HDAC8: variants seen among roughly 807,000 people sequenced by gnomAD.
HDAC8 encodes histone deacetylase-like 1.
HDAC8 carries 1 observed loss-of-function variant against 32.2 expected under a neutral mutation model. The ratio of observed to expected loss-of-function variants is 0.03; its 90% CI spans 0.01 to 0.15. The LOEUF (loss-of-function observed/expected upper bound fraction) is 0.15, where lower values mean the gene tolerates loss of function less well. Among genes scored for constraint, HDAC8 ranks in the 10% least tolerant of loss-of-function variants. HDAC8 has a pLI of 1.00. For synonymous variants in HDAC8, 108 were observed against 113.9 expected, an observed-to-expected ratio of 0.95 and a Z score of 0.33; for missense variants, 117 against 300.0, an observed-to-expected ratio of 0.39 and a Z score of 4.51.
intron 10 of HDAC8, among the ~76,000 whole-genome samples, chrX:72,350,993 T>G (rs1199868100): frequency 1.8e-5 from 2 of 112,316 alleles, no homozygotes; most frequent in Admixed American, 1.9e-4. Flanking sequence ...CCCTGACTAC[T>G]CATTGTAGTT....
intron 9 of HDAC8, among the ~76,000 whole-genome samples, chrX:72,442,978 A>G (rs1281052848): frequency 9.3e-6 from 1 of 107,639 alleles, no homozygotes; most frequent in Non-Finnish European, 1.9e-5. Context: ...TTCAACAAGA[A>G]GAGCTAACTA....
intron 4 of HDAC8, among the ~76,000 whole-genome samples, chrX:72,517,161 C>T (rs1244741542): frequency 7.1e-5 from 8 of 112,010 alleles, no homozygotes; most frequent in African/African-American, 2.6e-4. Flanking sequence ...TTTTAATTTG[C>T]ATTTTTCTAA....
rs1555939742 is a variant in HDAC8 at position 72,330,054 on chromosome X, C to T, written c.1134G>A (p.Ter378=). 8.3e-7 allele frequency: 1 copy of T among 1,208,344 alleles called. No homozygotes were observed. The highest frequency in any genetic ancestry group is 3.0e-5 in the East Asian group (1 of 33,842). Reference sequence around the variant, plus strand: ...TGGAAACCTGATCTCTTTCTGTCAACTAGACCACATGCTTCAGATTCCCTG... The same window carrying T: ...TGGAAACCTGATCTCTTTCTGTCAATTAGACCACATGCTTCAGATTCCCTG... ...YIKGNLKHVV[*] is the part of the protein sequence containing the mutation. The change falls in exon 11 of 11, where the codon TAG becomes TAA. Residue 378 remains the stop codon, a stop_retained_variant. Transcript: ENST00000373573.
At chrX:72,530,447 T>G (rs2050299588) in intron 4 of HDAC8, among the ~76,000 whole-genome samples, 1 of 109,032 alleles carries the variant, frequency 9.2e-6, no homozygotes, top group African/African-American at 3.3e-5. Flanking sequence ...TTTATGCGTT[T>G]TTTTTTTTTT....
intron 10 of HDAC8, among the ~76,000 whole-genome samples, chrX:72,334,974 G>A (rs1797370440): frequency 8.9e-6 from 1 of 112,002 alleles, no homozygotes; most frequent in South Asian, 3.8e-4. Flanking sequence ...CAGGTATTTT[G>A]TTAGGTGTTG....
chrX:72,467,233 T>C (rs1334483231), intron 7 of HDAC8: 2 of 109,538 alleles, frequency 1.8e-5, no homozygotes, highest in East Asian at 2.8e-4. Context: ...GCTGGTGAAA[T>C]CTAAATAAGC....
intron 4 of HDAC8, among the ~76,000 whole-genome samples, chrX:72,548,859 G>A (rs1044251906): frequency 2.7e-5 from 3 of 111,186 alleles, no homozygotes; most frequent in Non-Finnish European, 5.7e-5. Flanking sequence ...TTGTAGAGAT[G>A]GAGTCTCACT....
intron 9 of HDAC8, among the ~76,000 whole-genome samples, chrX:72,369,652 C>T (rs2044809584): frequency 8.9e-6 from 1 of 112,120 alleles, no homozygotes; most frequent in East Asian, 2.8e-4. Flanking sequence ...ATGGGATGCT[C>T]AGATGCAGGC....
chrX:72,438,268 A>C (rs1555980137), intron 9 of HDAC8, among the ~76,000 whole-genome samples: 1 of 112,210 alleles, frequency 8.9e-6, no homozygotes, highest in African/African-American at 3.2e-5. Flanking sequence ...TGTTAGAAGG[A>C]AAACTAACAA....
chrX:72,486,896 A>G (rs1292750776), intron 7 of HDAC8, among the ~76,000 whole-genome samples: 1 of 111,974 alleles, frequency 8.9e-6, no homozygotes, highest in Non-Finnish European at 1.9e-5. Flanking sequence ...GTGCCTTCAC[A>G]TAATGCCCTG....
Position 72,462,030 on chromosome X carries a change from G to A in HDAC8, c.979C>T (p.Leu327=). 8.3e-7 allele frequency: 1 copy of A among 1,208,199 alleles called. No homozygotes were observed. The highest frequency in any genetic ancestry group is 1.1e-6 in the Non-Finnish European group (1 of 892,567). ...YLTGVILGKT[L]SSEIPDHEFF... ...TCATGATCTGGGATCTCAGAGGATA[G>A]TGTTTTCCCTAGGATGACCCCGGTC... The change falls in exon 9 of 11, where the codon CTA becomes TTA. Residue 327 remains leucine, a synonymous_variant. Transcript: ENST00000373573.
chrX:72,506,042 T>C (rs1883863769), intron 4 of HDAC8, among the ~76,000 whole-genome samples: 1 of 111,921 alleles, frequency 8.9e-6, no homozygotes, highest in Admixed American at 9.5e-5. Flanking sequence ...CTAAGTTGTC[T>C]TGGAGCTTGC....
intron 9 of HDAC8, among the ~76,000 whole-genome samples, chrX:72,439,289 G>A (rs1474836010): frequency 9.0e-6 from 1 of 111,547 alleles, no homozygotes; most frequent in Non-Finnish European, 1.9e-5. Context: ...CACCAGGCAT[G>A]CCTTACAAGA....
At chrX:72,560,604 TG>T (rs2051521025) in intron 4 of HDAC8, among the ~76,000 whole-genome samples, 1 of 99,448 alleles carries the variant, frequency 1.0e-5, no homozygotes, top group Non-Finnish European at 2.0e-5. Flanking sequence ...ATGGTAACAA[TG>T]GACACCTTTA....
intron 6 of HDAC8, among the ~76,000 whole-genome samples, chrX:72,490,703 T>C (rs1556008972): frequency 9.3e-6 from 1 of 107,658 alleles, no homozygotes; most frequent in Non-Finnish European, 1.9e-5. Flanking sequence ...TGTATACATA[T>C]GTAACTAACC....
intron 9 of HDAC8, among the ~76,000 whole-genome samples, chrX:72,383,599 G>A (rs922093399): frequency 9.9e-5 from 11 of 111,503 alleles, no homozygotes; most frequent in African/African-American, 3.3e-4. Context: ...GGCCGGGCAC[G>A]GTGGCTCACG....
chrX:72,556,368 C>G (rs2051282487), intron 4 of HDAC8, among the ~76,000 whole-genome samples: 1 of 111,617 alleles, frequency 9.0e-6, no homozygotes, highest in Non-Finnish European at 1.9e-5. Flanking sequence ...GATATTCAGG[C>G]AACAACTAGC....
At chrX:72,540,199 T>C (rs2050658874) in intron 4 of HDAC8, among the ~76,000 whole-genome samples, 1 of 112,875 alleles carries the variant, frequency 8.9e-6, no homozygotes, top group South Asian at 3.7e-4. Context: ...GTGTTATCTT[T>C]ATCAGCCAGG....
intron 9 of HDAC8, among the ~76,000 whole-genome samples, chrX:72,436,611 G>C (rs942142923): frequency 9.3e-6 from 1 of 107,404 alleles, no homozygotes; most frequent in East Asian, 2.9e-4. Flanking sequence ...AATGATAAAA[G>C]AAAAAAAAGA....
Sources: allele counts gnomAD v4.1 joint callset (sites outside exome capture counted in the v4.1 genomes callset), GRCh38; gene constraint gnomAD v4.1.1; transcripts MANE v1.5; gene names NCBI Gene and HGNC (gene_info 2026-07-23, HGNC 2026-07-21).